DSG1: variants seen among roughly 807,000 people sequenced by gnomAD.
DSG1 encodes desmoglein-1.
In DSG1, 39 loss-of-function variants were observed where a neutral mutation model predicts 97.5. The ratio of observed to expected loss-of-function variants is 0.40; its 90% CI spans 0.31 to 0.52. The LOEUF is 0.52. Ranked by LOEUF, DSG1 falls within the 20% of genes least tolerant of loss-of-function variation. DSG1 has a pLI of 0.53. For missense variants in DSG1, 1,311 were observed against 1,295.4 expected (o/e 1.01, Z -0.18); for synonymous variants, 475 against 443.4 (o/e 1.07, Z -0.90).
chr18:31,346,355 T>C lies in DSG1; in HGVS notation c.2100+157T>C, dbSNP rs376716186. On this transcript the variant is annotated intron_variant, in intron 14 of 14. Coordinates refer to ENST00000257192, the MANE Select transcript of DSG1 (RefSeq NM_001942.4). ...AACAATCCATGCTGTTAATGAATTATATATCTAAAGCTCTGACCTGAGCAC... is the reference window on the plus strand; with the variant it reads ...AACAATCCATGCTGTTAATGAATTACATATCTAAAGCTCTGACCTGAGCAC... Among the ~76,000 whole-genome samples, 25 of 152,290 alleles carry C rather than the reference T, an allele frequency of 1.6e-4. No individual in the cohort carries two copies. In the South Asian group the frequency reaches 2.3e-3, roughly 14 times the overall value.
chr18:31,328,402 T>C, intron 4 of DSG1, 58 bp downstream of exon 4: 1 of 1,529,334 alleles, frequency 6.5e-7, no homozygotes, highest in Non-Finnish European at 9.0e-7. Context: ...CAGAAGTTCT[T>C]AATCTCAGAT....
At chr18:31,341,945 T>G (rs28595210) in intron 11 of DSG1, among the ~76,000 whole-genome samples, 18 of 45,474 alleles carry the variant, frequency 4.0e-4, no homozygotes, top group African/African-American at 5.4e-4. Flanking sequence ...TGTTTTTTTG[T>G]TTTTTTTTGA....
Position 31,353,895 on chromosome 18 carries a change from G to A in DSG1, c.2101-402G>A, listed in dbSNP as rs566873631. The stretch of plus-strand genomic sequence containing the variant: ...TGGCACTCCCTAGTGAGATGAACCC[G>A]GTACCTCAGATGGAAATGCAGAAAT... On this transcript the variant is annotated intron_variant, in intron 14 of 14. Coordinates refer to ENST00000257192, the MANE Select transcript of DSG1 (RefSeq NM_001942.4). 104 of 271,312 alleles carry A rather than the reference G, an allele frequency of 3.8e-4. 1 individual carries two copies. The highest frequency in any genetic ancestry group is 1.3e-3 in the African/African-American group (58 of 43,576). 16.8% of individuals were successfully genotyped at this position (271,312 alleles called of 1,614,324 possible).
At position 31,327,109 on chromosome 18, in the gene DSG1, C is replaced by T. The variant is rs563761257; in HGVS notation, c.216+104C>T. 117 of 1,415,140 alleles carry T rather than the reference C, an allele frequency of 8.3e-5. 2 individuals carry two copies. The highest frequency in any genetic ancestry group is 7.5e-4 in the South Asian group (64 of 85,070). 87.7% of individuals were successfully genotyped at this position (1,415,140 alleles called of 1,614,324 possible). On this transcript the variant is annotated intron_variant, in intron 3 of 14. Coordinates refer to ENST00000257192, the MANE Select transcript of DSG1 (RefSeq NM_001942.4). ...ATGAACATGTCTCACCGAGAAGCTA[C>T]GATACAGAACAGAACTATAGTCACC...
rs2071948789 is a variant in DSG1 at position 31,355,437 on chromosome 18, C to T, written c.*91C>T. The T allele has an allele frequency of 8.3e-6, 11 of 1,322,090 alleles. No homozygotes were observed. In the East Asian group the frequency reaches 1.9e-4, roughly 23 times the overall value. The allele number at this position is 1,322,090 out of a possible 1,614,324, so 81.9% of individuals were successfully genotyped here. A position where few individuals can be genotyped will look rare whatever the true frequency, so the allele number is the denominator to read the frequency against. On this transcript the variant is annotated 3_prime_UTR_variant, in exon 15 of 15. Transcript: ENST00000257192. ...CAACAATGTGATTTATAACGCACAACTTCGTGCTCAGGTCATCTAGGAGCA... is the reference window on the plus strand; with the variant it reads ...CAACAATGTGATTTATAACGCACAATTTCGTGCTCAGGTCATCTAGGAGCA...
At chr18:31,333,786 A>C in intron 7 of DSG1, 63 bp downstream of exon 7, 1 of 1,577,492 alleles carries the variant, frequency 6.3e-7, no homozygotes, top group South Asian at 1.1e-5. Flanking sequence ...ATATACGAAC[A>C]ATTCTGCTTA....
chr18:31,341,116 G>T (rs1409724585), intron 11 of DSG1, among the ~76,000 whole-genome samples: 5 of 152,158 alleles, frequency 3.3e-5, no homozygotes, highest in Admixed American at 2.6e-4. Context: ...ACATTACCTC[G>T]AATGATGATA....
intron 14 of DSG1, among the ~76,000 whole-genome samples, chr18:31,350,469 G>T (rs1377802437): frequency 1.3e-5 from 2 of 148,838 alleles, no homozygotes; most frequent in Non-Finnish European, 3.0e-5. Flanking sequence ...GTATCAGAAT[G>T]ATGCTGGCCT....
At chr18:31,353,925 C>G (rs552842593) in intron 14 of DSG1, 1 of 273,098 alleles carries the variant, frequency 3.7e-6, no homozygotes, top group South Asian at 3.6e-5. Context: ...AGAAATCACC[C>G]GTCTTCTGCG....
At position 31,354,794 on chromosome 18, in the gene DSG1, G is replaced by C. The variant is rs1244210781; in HGVS notation, c.2598G>C (p.Glu866Asp). 1 of 1,614,172 alleles carries C rather than the reference G, an allele frequency of 6.2e-7. No homozygotes were observed. The highest frequency in any genetic ancestry group is 8.5e-7 in the Non-Finnish European group (1 of 1,180,020). ...CAGCATCAAACGTGGTAGTGACAGA[G>C]AGAGTGGTCGGCCCAATCTCTGGCG... Reference protein sequence around the residue: ...NRPASNVVVTERVVGPISGAD... With the variant: ...NRPASNVVVTDRVVGPISGAD... Residue 866 changes from glutamate (E) to aspartate (D), a missense_variant, in exon 15 of 15, where the codon GAG becomes GAC. Transcript: ENST00000257192.
rs970039014 is a variant in DSG1 at position 31,354,968 on chromosome 18, A to G, written c.2772A>G (p.Glu924=). ...AGTCTTCAAATGTGGTAGTGACAGAAAGAGTAATCCAACCAACTTCCGGCA... is the reference window on the plus strand; with the variant it reads ...AGTCTTCAAATGTGGTAGTGACAGAGAGAGTAATCCAACCAACTTCCGGCA... ...PRESSNVVVT[E]RVIQPTSGMI... The change falls in exon 15 of 15, where the codon GAA becomes GAG. Residue 924 remains glutamate, a synonymous_variant. Transcript: ENST00000257192. 4.7e-5 allele frequency: 76 copies of G among 1,614,078 alleles called. No individual in the cohort carries two copies. The highest frequency in any genetic ancestry group is 6.4e-5 in the Non-Finnish European group (76 of 1,180,030).
At position 31,355,366 on chromosome 18, in the gene DSG1, T is replaced by C; in HGVS notation, c.*20T>C. ...AAGTAGTCAGGACCCCAGCTCACTTTTTCATAGTCATTGTGGTTTAGATCC... is the reference window on the plus strand; with the variant it reads ...AAGTAGTCAGGACCCCAGCTCACTTCTTCATAGTCATTGTGGTTTAGATCC... On this transcript the variant is annotated 3_prime_UTR_variant, in exon 15 of 15. Transcript: ENST00000257192. 6.2e-7 allele frequency: 1 copy of C among 1,611,458 alleles called. No individual in the cohort carries two copies. Among genetic ancestry groups the C allele is most frequent in the Non-Finnish European group, 8.5e-7 (1 of 1,178,036 alleles).
At chr18:31,326,785 G>C (rs2071688322) in intron 2 of DSG1, 89 bp from the exon 3 acceptor site, 1 of 1,497,932 alleles carries the variant, frequency 6.7e-7, no homozygotes, top group Admixed American at 1.7e-5. Context: ...CTCTATTTCT[G>C]AGATTATAAC....
intron 1 of DSG1, among the ~76,000 whole-genome samples, chr18:31,320,919 A>T (rs1043479372): frequency 6.6e-5 from 10 of 152,204 alleles, no homozygotes; most frequent in Admixed American, 6.5e-4. Flanking sequence ...AGGTCCAATT[A>T]GTCCATTTAA....
In DSG1 at chr18:31,359,106, A is replaced by G. The variant is rs983794635; in HGVS notation, c.*3760A>G. ...TTCATCTCTGGTGGTGTTTAACACA[A>G]GGTTCTCTTATTCAAGTTTCAATAT... On this transcript the variant is annotated 3_prime_UTR_variant, in exon 15 of 15. Transcript: ENST00000257192. Among the ~76,000 whole-genome samples, 2 of 152,236 alleles carry G rather than the reference A, an allele frequency of 1.3e-5. No individual in the cohort carries two copies. Among genetic ancestry groups the G allele is most frequent in the Middle Eastern group, 3.4e-3 (1 of 294 alleles).
In DSG1 at chr18:31,354,547, G is replaced by C; in HGVS notation, c.2351G>C (p.Cys784Ser). 6.2e-7 allele frequency: 1 copy of C among 1,614,120 alleles called. No homozygotes were observed. The highest frequency in any genetic ancestry group is 8.5e-7 in the Non-Finnish European group (1 of 1,180,024). ...SWPPQSTEPV[C>S]LPQETEPVVS... The stretch of plus-strand genomic sequence containing the variant: ...CCACCACAAAGCACTGAACCAGTTT[G>C]CCTTCCTCAGGAAACAGAGCCCGTT... The change falls in exon 15 of 15, where the codon TGC (cysteine) becomes TCC (serine). Residue 784 changes from cysteine (C) to serine (S), a missense_variant. Physicochemically the swap from Cys to Ser is moderately radical, Grantham distance 112. This residue lies in a region of DSG1 where 1,038 missense variants were observed against 964.6 expected (regional missense o/e 1.08). Coordinates refer to ENST00000257192, the MANE Select transcript of DSG1 (RefSeq NM_001942.4).
intron 7 of DSG1, 119 bp downstream of exon 7, chr18:31,333,842 A>C: frequency 1.5e-6 from 2 of 1,319,990 alleles, no homozygotes; most frequent in Non-Finnish European, 2.2e-6. Context: ...AAATGTAGAC[A>C]CATACTTTTT....
At chr18:31,351,256 A>G (rs1252637719) in intron 14 of DSG1, among the ~76,000 whole-genome samples, 1 of 150,160 alleles carries the variant, frequency 6.7e-6, no homozygotes, top group South Asian at 2.1e-4. Flanking sequence ...CAGGTTGTTC[A>G]GTTTCCATGT....
chr18:31,354,202 G>GA, intron 14 of DSG1, 95 bp from the exon 15 acceptor site: 1 of 1,080,198 alleles, frequency 9.3e-7, no homozygotes. Flanking sequence ...TTCCTCTTTG[G>GA]AAATGCTCTG....
Sources: allele counts gnomAD v4.1 joint callset (sites outside exome capture counted in the v4.1 genomes callset), GRCh38; gene constraint gnomAD v4.1.1; regional missense constraint gnomAD v4.1.1; transcripts MANE v1.5; gene names NCBI Gene and HGNC (gene_info 2026-07-23, HGNC 2026-07-21).